ARB2A: variants seen among roughly 807,000 people sequenced by gnomAD.
ARB2A encodes cotranscriptional regulator ARB2A.
chr5:93,971,342 T>G, the ARB2A span, among the ~76,000 whole-genome samples: 1 of 151,906 alleles, frequency 6.6e-6, no homozygotes, highest in Non-Finnish European at 1.5e-5. Context: ...CCGAGGCAGG[T>G]GGATCACCTG....
chr5:93,651,015 A>G, the ARB2A span, among the ~76,000 whole-genome samples: 1 of 152,046 alleles, frequency 6.6e-6, no homozygotes, highest in Non-Finnish European at 1.5e-5. Context: ...CCAAAAAAAC[A>G]CATGGAAAAA....
chr5:93,669,564 C>A, the ARB2A span, among the ~76,000 whole-genome samples: 1 of 152,144 alleles, frequency 6.6e-6, no homozygotes, highest in Non-Finnish European at 1.5e-5. Flanking sequence ...TATTAAAATT[C>A]TTTAATAGAG....
At chr5:94,005,720 CA>C in the ARB2A span, among the ~76,000 whole-genome samples, 7 of 151,958 alleles carry the variant, frequency 4.6e-5, no homozygotes, top group African/African-American at 1.7e-4. Flanking sequence ...AGAAAACAGC[CA>C]AAAGACATTG....
the ARB2A span, among the ~76,000 whole-genome samples, chr5:93,935,608 T>C: frequency 6.6e-6 from 1 of 152,198 alleles, no homozygotes; most frequent in Non-Finnish European, 1.5e-5. Context: ...ATAACCACCA[T>C]TGTTCAAGGT....
chr5:93,834,993 CGAT>C, the ARB2A span, among the ~76,000 whole-genome samples: 4 of 152,240 alleles, frequency 2.6e-5, no homozygotes, highest in Admixed American at 2.6e-4. Flanking sequence ...GATTTAAACT[CGAT>C]GATTTTAGAA....
chr5:93,652,088 C>T, the ARB2A span, among the ~76,000 whole-genome samples: 2 of 152,046 alleles, frequency 1.3e-5, no homozygotes, highest in African/African-American at 4.8e-5. Context: ...CCAAACATAT[C>T]AATAATGACA....
chr5:93,620,716 G>C, the ARB2A span: 581 of 331,970 alleles, frequency 1.8e-3, 1 homozygote, highest in African/African-American at 0.012. Flanking sequence ...GGCCGAGCCA[G>C]GCAGGGCGCT....
the ARB2A span, among the ~76,000 whole-genome samples, chr5:93,825,463 G>A: frequency 6.6e-6 from 1 of 152,130 alleles, no homozygotes; most frequent in Non-Finnish European, 1.5e-5. Flanking sequence ...AAGCATCAAT[G>A]ATTTTACCAT....
chr5:93,675,979 A>C, the ARB2A span, among the ~76,000 whole-genome samples: 2 of 152,344 alleles, frequency 1.3e-5, no homozygotes, highest in African/African-American at 4.8e-5. Flanking sequence ...GAGCTTAGCA[A>C]ATCAAACTTG....
the ARB2A span, among the ~76,000 whole-genome samples, chr5:94,027,145 T>C: frequency 6.6e-6 from 1 of 151,784 alleles, no homozygotes; most frequent in Non-Finnish European, 1.5e-5. Context: ...AAGATAAGAG[T>C]CTAGCTAGAT....
the ARB2A span, among the ~76,000 whole-genome samples, chr5:93,758,253 A>G: frequency 6.6e-6 from 1 of 152,304 alleles, no homozygotes; most frequent in South Asian, 2.1e-4. Flanking sequence ...TAAAACAATT[A>G]CTAATAGACC....
At chr5:93,620,182 A>C in the ARB2A span, 1 of 152,240 alleles carries the variant, frequency 6.6e-6, no homozygotes, top group Non-Finnish European at 1.5e-5. Context: ...AATTCCATTG[A>C]AAATGGGACC....
At chr5:93,937,829 C>A in the ARB2A span, among the ~76,000 whole-genome samples, 1 of 152,156 alleles carries the variant, frequency 6.6e-6, no homozygotes, top group African/African-American at 2.4e-5. Context: ...TTTAAATCAT[C>A]TCTACCTTAC....
At chr5:93,783,904 A>G in the ARB2A span, among the ~76,000 whole-genome samples, 378 of 152,306 alleles carry the variant, frequency 2.5e-3, 1 homozygote, top group African/African-American at 8.7e-3. Context: ...CTGGCATAAC[A>G]GTATTTCAGC....
the ARB2A span, among the ~76,000 whole-genome samples, chr5:93,654,308 C>G: frequency 2.0e-5 from 3 of 152,088 alleles, no homozygotes; most frequent in Non-Finnish European, 2.9e-5. Context: ...TAAGGTGAAG[C>G]CTGTGGTCCT....
At chr5:93,946,314 C>T in the ARB2A span, among the ~76,000 whole-genome samples, 1 of 152,022 alleles carries the variant, frequency 6.6e-6, no homozygotes, top group South Asian at 2.1e-4. Context: ...GAAACAGAGT[C>T]CACAGGGTTC....
At chr5:93,872,834 G>A in the ARB2A span, among the ~76,000 whole-genome samples, 7 of 151,676 alleles carry the variant, frequency 4.6e-5, no homozygotes, top group African/African-American at 7.3e-5. Context: ...GGAGAATGGC[G>A]TGAACCCGGG....
At chr5:93,636,562 G>T in the ARB2A span, among the ~76,000 whole-genome samples, 1 of 152,306 alleles carries the variant, frequency 6.6e-6, no homozygotes, top group South Asian at 2.1e-4. Flanking sequence ...ATCAGACATT[G>T]AATCTGTTGG....
chr5:93,821,618 T>C, the ARB2A span, among the ~76,000 whole-genome samples: 2 of 152,010 alleles, frequency 1.3e-5, no homozygotes, highest in Non-Finnish European at 2.9e-5. Flanking sequence ...TGCCTAAAAC[T>C]GAATAACATT....
Sources: gnomAD v4.1 joint callset for allele counts (sites outside exome capture counted in the v4.1 genomes callset) on GRCh38, gnomAD v4.1.1 for gene constraint, MANE v1.5 for transcripts, NCBI Gene and HGNC (gene_info 2026-07-23, HGNC 2026-07-21) for gene names.